RIMS2: variants seen among roughly 807,000 people sequenced by gnomAD.
The protein encoded by RIMS2 is regulating synaptic membrane exocytosis 2.
RIMS2 carries 59 observed loss-of-function variants against 174.4 expected under a neutral mutation model. The observed-to-expected ratio is 0.34, with a 90% CI of 0.27 to 0.42. The LOEUF is 0.42. Among genes scored for constraint, RIMS2 ranks in the 10% least tolerant of loss-of-function variants. The pLI is 1.00. For synonymous variants in RIMS2, 606 were observed against 572.5 expected, an observed-to-expected ratio of 1.06 and a Z score of -0.84; for missense variants, 1,620 against 1,666.3, an observed-to-expected ratio of 0.97 and a Z score of 0.48.
chr8:103,500,906 C>G, exon 1 of RIMS2: 1 of 1,602,536 alleles, frequency 6.2e-7, no homozygotes, highest in Non-Finnish European at 8.5e-7. Context: ...CCTGTCGGGC[C>G]CCGGGGCCGC....
chr8:103,679,554 G>A (rs563912519), intron 1 of RIMS2, among the ~76,000 whole-genome samples: 58 of 152,030 alleles, frequency 3.8e-4, no homozygotes, highest in African/African-American at 1.4e-3. Flanking sequence ...ACAAAACTAA[G>A]TGGCTGGGGA....
At chr8:103,788,794 T>C (rs1398230944) in intron 3 of RIMS2, among the ~76,000 whole-genome samples, 1 of 152,208 alleles carries the variant, frequency 6.6e-6, no homozygotes, top group Non-Finnish European at 1.5e-5. Context: ...TGTGGTGGGC[T>C]CCACCCAGTT....
At chr8:103,982,373 G>C (rs2093982202) in intron 16 of RIMS2, among the ~76,000 whole-genome samples, 1 of 149,294 alleles carries the variant, frequency 6.7e-6, no homozygotes, top group Admixed American at 6.7e-5. Context: ...AAGAAGGAGA[G>C]AATACTTCCA....
intron 1 of RIMS2, among the ~76,000 whole-genome samples, chr8:103,607,523 T>A (rs1195942713): frequency 2.0e-5 from 3 of 150,400 alleles, no homozygotes; most frequent in Admixed American, 1.3e-4. Context: ...CGTTCTCTGT[T>A]TTTCCTGAAT....
chr8:104,118,976 G>A (rs756097408), intron 19 of RIMS2, among the ~76,000 whole-genome samples: 1 of 152,056 alleles, frequency 6.6e-6, no homozygotes, highest in Non-Finnish European at 1.5e-5. Context: ...TCCAGATACT[G>A]TCATATTGGG....
chr8:103,781,617 T>C (rs774806263), intron 3 of RIMS2, among the ~76,000 whole-genome samples: 1 of 152,102 alleles, frequency 6.6e-6, no homozygotes, highest in Non-Finnish European at 1.5e-5. Context: ...TTACTCAAAC[T>C]TTTTGATTTG....
intron 19 of RIMS2, among the ~76,000 whole-genome samples, chr8:104,183,873 T>C (rs948567131): frequency 1.3e-4 from 20 of 151,766 alleles, no homozygotes; most frequent in African/African-American, 4.8e-4. Context: ...GATCGACTTA[T>C]CTTTTAAATT....
At chr8:103,980,688 G>A (rs78953067) in intron 16 of RIMS2, among the ~76,000 whole-genome samples, 1 of 152,150 alleles carries the variant, frequency 6.6e-6, no homozygotes, top group Non-Finnish European at 1.5e-5. Context: ...GCCCAGAGGG[G>A]AGCCTATTGC....
chr8:104,091,620 G>A (rs1342050379), intron 19 of RIMS2, among the ~76,000 whole-genome samples: 1 of 149,578 alleles, frequency 6.7e-6, no homozygotes, highest in Non-Finnish European at 1.5e-5. Flanking sequence ...GTATTATATA[G>A]TATACAATAT....
At chr8:104,194,994 C>T (rs910451641) in intron 19 of RIMS2, among the ~76,000 whole-genome samples, 4 of 152,134 alleles carry the variant, frequency 2.6e-5, no homozygotes, top group African/African-American at 7.2e-5. Context: ...ACAGGTATGC[C>T]TTTTAGGTCA....
intron 19 of RIMS2, among the ~76,000 whole-genome samples, chr8:104,073,413 T>C (rs1196029909): frequency 1.3e-5 from 2 of 152,226 alleles, no homozygotes; most frequent in African/African-American, 4.8e-5. Flanking sequence ...ATAATGTTTA[T>C]TGGCACAGTA....
At chr8:103,770,039 G>A (rs1256994817) in intron 3 of RIMS2, among the ~76,000 whole-genome samples, 1 of 152,092 alleles carries the variant, frequency 6.6e-6, no homozygotes, top group African/African-American at 2.4e-5. Context: ...ATTTTAAAAT[G>A]CAGATTATAC....
At chr8:103,767,787 A>G (rs1191109056) in intron 3 of RIMS2, among the ~76,000 whole-genome samples, 1 of 152,254 alleles carries the variant, frequency 6.6e-6, no homozygotes, top group Admixed American at 6.5e-5. Flanking sequence ...AAGTAGTAAA[A>G]GGGAACAGTA....
At chr8:103,708,176 T>C (rs1374585484) in intron 2 of RIMS2, among the ~76,000 whole-genome samples, 1 of 152,236 alleles carries the variant, frequency 6.6e-6, no homozygotes, top group African/African-American at 2.4e-5. Flanking sequence ...TGCTATGGCC[T>C]GGATGCCACT....
intron 19 of RIMS2, among the ~76,000 whole-genome samples, chr8:104,026,945 T>C (rs1013959276): frequency 1.3e-5 from 2 of 152,186 alleles, no homozygotes; most frequent in African/African-American, 4.8e-5. Flanking sequence ...GGATATTTCC[T>C]AAGTATATCA....
chr8:104,034,672 G>A (rs1236191409), intron 19 of RIMS2, among the ~76,000 whole-genome samples: 1 of 151,728 alleles, frequency 6.6e-6, no homozygotes, highest in Non-Finnish European at 1.5e-5. Flanking sequence ...GTTTCACCAT[G>A]TTGGCCAGGA....
chr8:103,879,682 A>T (rs2099158129), intron 3 of RIMS2, among the ~76,000 whole-genome samples: 1 of 151,646 alleles, frequency 6.6e-6, no homozygotes, highest in Non-Finnish European at 1.5e-5. Flanking sequence ...GTACTACCAT[A>T]TATTCCTAGA....
In RIMS2 at chr8:104,215,144, T is replaced by A. The variant is rs116619903; in HGVS notation, c.3335-29772T>A. Among the ~76,000 whole-genome samples, 1,507 of 152,322 alleles carry A rather than the reference T, an allele frequency of 9.9e-3. 21 individuals are homozygous for A. Among genetic ancestry groups the A allele is most frequent in the African/African-American group, 0.033 (1,358 of 41,574 alleles). On this transcript the variant is annotated intron_variant, in intron 19 of 23. Coordinates refer to ENST00000504942, the Ensembl canonical transcript of RIMS2. ...ACTAGACAGTTAAGCAAAAAATCTA[T>A]GAAAAATGCCAAATTTTCTATTTTT...
intron 2 of RIMS2, among the ~76,000 whole-genome samples, chr8:103,722,714 G>C (rs78892918): frequency 6.6e-6 from 1 of 152,074 alleles, no homozygotes; most frequent in Non-Finnish European, 1.5e-5. Context: ...TGATCTGTTG[G>C]GGGTATCCTT....
Sources: gnomAD v4.1 joint callset for allele counts (sites outside exome capture counted in the v4.1 genomes callset) on GRCh38, gnomAD v4.1.1 for gene constraint, MANE v1.5 for transcripts, NCBI Gene and HGNC (gene_info 2026-07-23, HGNC 2026-07-21) for gene names.